LAMA3: variants seen among roughly 807,000 people sequenced by gnomAD.
The protein encoded by LAMA3 is laminin subunit alpha 3, also known as laminin subunit alpha-3.
A neutral mutation model predicts 402.0 loss-of-function variants in LAMA3; 281 were observed. The observed-to-expected ratio is 0.70, with a 90% CI of 0.63 to 0.77. The LOEUF (loss-of-function observed/expected upper bound fraction) is 0.77. Ranked by LOEUF, LAMA3 falls within the 30% of genes least tolerant of loss-of-function variation. The pLI, the probability that LAMA3 is intolerant of heterozygous loss-of-function variation, is 0.00. For synonymous variants in LAMA3, 1,431 were observed against 1,558.4 expected (o/e 0.92, Z 1.93); for missense variants, 3,840 against 4,215.5 (o/e 0.91, Z 2.47).
In LAMA3 at chr18:23,822,279, G is replaced by A. The variant is rs367800328; in HGVS notation, c.2332G>A (p.Gly778Arg). 4.4e-5 allele frequency: 71 copies of A among 1,613,818 alleles called. No homozygotes were observed. The highest frequency in any genetic ancestry group is 1.3e-5 in the African/African-American group (1 of 74,910). Residue 778 changes from glycine to arginine, a missense_variant, in exon 20 of 75, where the codon GGG becomes AGG. By Grantham distance (125) the Gly-to-Arg change is moderately radical. This residue lies in a region of LAMA3 where 2,109 missense variants were observed against 2,376.0 expected (regional missense o/e 0.89). Transcript: ENST00000313654. ...QNDVRITLNVGKSSGSLFRVI... is the reference protein window; with the variant it reads ...QNDVRITLNVRKSSGSLFRVI... ...TGATGTAAGAATAACATTGAATGTA[G>A]GGAAGTCAAGTGGCTCCTTGTTTCG...
In LAMA3 at chr18:23,839,907, G is replaced by A; in HGVS notation, c.3314G>A (p.Gly1105Glu). The change falls in exon 27 of 75, where the codon GGG becomes GAG. Residue 1105 changes from glycine (G) to glutamate (E), a missense_variant. This residue lies in a region of LAMA3 where 2,109 missense variants were observed against 2,376.0 expected (regional missense o/e 0.89). Coordinates refer to ENST00000313654, the MANE Select transcript of LAMA3 (RefSeq NM_198129.4). The surrounding 1 kb of genome is among the most constrained non-coding windows in gnomAD (Gnocchi z 4.5). ...QSSPSVDVLP[G>E]VTLKAPQNQV... is the part of the protein sequence containing the mutation. ...TCACCTTCTGTTGATGTTCTTCCTG[G>A]GGTCACCTTGAAGGCACCGCAGGTA... The A allele has an allele frequency of 1.2e-6, 2 of 1,614,054 alleles. No individual in the cohort carries two copies. The highest frequency in any genetic ancestry group is 1.1e-5 in the South Asian group (1 of 91,068).
In LAMA3 at chr18:23,773,517, CTG is replaced by C. The variant is rs1465273954; in HGVS notation, c.1206_1207del (p.Cys402Ter). 1 of 1,599,024 alleles carries C rather than the reference CTG, an allele frequency of 6.3e-7. No individual in the cohort carries two copies. Among genetic ancestry groups the C allele is most frequent in the Admixed American group, 1.7e-5 (1 of 58,868 alleles). ...TCTAGCACAACACAGCTGGAGTAAA[CTG>C]TGAACAGTGTGCTAAGGGCTATTAC... ...NCQHNTAGVN[C>X]EQCAKGYYRP... On this transcript the variant is annotated frameshift_variant, in exon 9 of 75. Transcript: ENST00000313654. LOFTEE classifies it high-confidence loss of function.
At chr18:23,865,807 C>G (rs2144772344) in intron 36 of LAMA3, among the ~76,000 whole-genome samples, 1 of 152,250 alleles carries the variant, frequency 6.6e-6, no homozygotes, top group African/African-American at 2.4e-5. Flanking sequence ...TGGTACAGGG[C>G]AGGAGGCTGT....
chr18:23,807,385 C>T (rs1288540369), intron 12 of LAMA3, among the ~76,000 whole-genome samples: 1 of 151,922 alleles, frequency 6.6e-6, no homozygotes, highest in Non-Finnish European at 1.5e-5. Flanking sequence ...AGTCAGGGTT[C>T]TCTAGATAGA....
At position 23,839,958 on chromosome 18, in the gene LAMA3, C is replaced by T; in HGVS notation, c.3336+29C>T. Reference sequence around the variant, plus strand: ...GTGTGCTGTTTCTAAACCAGTGGTTCTCAAAGTATGACCTCTGAAGCAGCA... The same window carrying T: ...GTGTGCTGTTTCTAAACCAGTGGTTTTCAAAGTATGACCTCTGAAGCAGCA... On this transcript the variant is annotated intron_variant, in intron 27 of 74. Coordinates refer to ENST00000313654, the MANE Select transcript of LAMA3 (RefSeq NM_198129.4). This position sits in a 1 kb window ranked among gnomAD's most constrained non-coding sequence, Gnocchi z 4.5. 1 of 1,612,472 alleles carries T rather than the reference C, an allele frequency of 6.2e-7. No individual in the cohort carries two copies. Among genetic ancestry groups the T allele is most frequent in the Non-Finnish European group, 8.5e-7 (1 of 1,178,536 alleles).
At chr18:23,769,235 A>G (rs910020008) in intron 8 of LAMA3, among the ~76,000 whole-genome samples, 1 of 152,146 alleles carries the variant, frequency 6.6e-6, no homozygotes, top group African/African-American at 2.4e-5. Context: ...TTTTATGGTA[A>G]TACAATGATC....
rs200422355 is a variant in LAMA3 at position 23,847,464 on chromosome 18, C to G, written c.3932C>G (p.Pro1311Arg). ...TGHYGFPRCK[P>R]CSCGRRLCEE... ...TGGTATTTCTTTATCCCCTGGCCAG[C>G]GTGCAGCTGTGGTCGGCGCCTTTGT... The change falls in exon 32 of 75, where the codon CCG (proline) becomes CGG (arginine). Residue 1311 changes from proline (P) to arginine (R), a missense_variant and splice_region_variant. Pro to Arg is a moderately radical substitution (Grantham distance 103). This residue lies in a region of LAMA3 where 2,109 missense variants were observed against 2,376.0 expected (regional missense o/e 0.89). Transcript: ENST00000313654. 6.2e-7 allele frequency: 1 copy of G among 1,611,220 alleles called. No individual in the cohort carries two copies. Among genetic ancestry groups the G allele is most frequent in the East Asian group, 2.2e-5 (1 of 44,890 alleles).
At chr18:23,790,732 T>C (rs1399857427) in intron 12 of LAMA3, among the ~76,000 whole-genome samples, 1 of 152,194 alleles carries the variant, frequency 6.6e-6, no homozygotes, top group Non-Finnish European at 1.5e-5. Flanking sequence ...ATTTTCCCCA[T>C]GAAGATATTC....
At position 23,814,468 on chromosome 18, in the gene LAMA3, G is replaced by A. The variant is rs148441391; in HGVS notation, c.1854G>A (p.Trp618Ter). The change falls in exon 15 of 75, where the codon TGG (tryptophan) becomes TGA (stop). Residue 618 changes from tryptophan (W) to a stop codon, truncating the protein, a stop_gained. Transcript: ENST00000313654. LOFTEE classifies it high-confidence loss of function. ...PTCSRCKLLY[W>*]NLDKENPSGC... ...GTAGCCGCTGCAAACTGTTATATTG[G>A]AATCTGGACAAAGAAAACCCCAGTG... 6.2e-7 allele frequency: 1 copy of A among 1,613,846 alleles called. No individual in the cohort carries two copies. The highest frequency in any genetic ancestry group is 1.7e-5 in the Admixed American group (1 of 60,024).
intron 8 of LAMA3, 37 bp downstream of exon 8, chr18:23,763,560 A>T (rs2062017966): frequency 9.1e-6 from 11 of 1,209,934 alleles, no homozygotes; most frequent in Middle Eastern, 1.9e-4. Context: ...ATGTGTTGTC[A>T]TGGGGAATGA....
intron 39 of LAMA3, among the ~76,000 whole-genome samples, 190 bp downstream of exon 39, chr18:23,876,597 C>T (rs1400897856): frequency 1.3e-5 from 2 of 152,204 alleles, no homozygotes; most frequent in Admixed American, 1.3e-4. Context: ...TTTTAACATG[C>T]ACCATTAAAA....
chr18:23,861,591 C>T, intron 34 of LAMA3, 55 bp from the exon 35 acceptor site: 1 of 1,603,280 alleles, frequency 6.2e-7, no homozygotes, highest in South Asian at 1.1e-5. Flanking sequence ...ACCCATCACC[C>T]CAGGGATGCC....
chr18:23,840,165 A>G (rs2063666726), intron 27 of LAMA3, among the ~76,000 whole-genome samples: 1 of 152,150 alleles, frequency 6.6e-6, no homozygotes, highest in Non-Finnish European at 1.5e-5. Context: ...CCAGAAATGC[A>G]GGCATCTGGT....
chr18:23,901,393 A>G, intron 48 of LAMA3, 70 bp downstream of exon 48: 1 of 1,298,744 alleles, frequency 7.7e-7, no homozygotes, highest in Non-Finnish European at 1.1e-6. Flanking sequence ...TTTATTATTA[A>G]TAAAGTGGCA....
rs140994119 is a variant in LAMA3, at chr18:23,836,789, C to T, written c.2985-192C>T. Among the ~76,000 whole-genome samples the T allele has an allele frequency of 3.7e-4, 56 of 152,324 alleles. No homozygotes were observed. The East Asian group carries it at 5.2e-3, about 14-fold the overall frequency. ...GCCCTGAGAGGTACAACACTGGCCA[C>T]GGCAGGAAGGTTATTTTCCCCATAG... On this transcript the variant is annotated intron_variant, in intron 24 of 74. Transcript: ENST00000313654.
chr18:23,756,923 GCCCCCGCCCCCCACTCCCTT>G (rs1251375033), intron 6 of LAMA3, among the ~76,000 whole-genome samples: 6 of 91,446 alleles, frequency 6.6e-5, no homozygotes, highest in East Asian at 2.7e-4. Flanking sequence ...CCCGTTCCCT[GCCCCCGCCCCCCACTCCCTT>G]CCCCCGCCCC....
Position 23,714,027 on chromosome 18 carries a change from A to G in LAMA3, c.402A>G (p.Ser134=). 2 of 1,613,970 alleles carry G rather than the reference A, an allele frequency of 1.2e-6. No individual in the cohort carries two copies. The highest frequency in any genetic ancestry group is 2.2e-5 in the South Asian group (2 of 91,074). The change falls in exon 2 of 75, where the codon TCA becomes TCG. Residue 134 remains serine, a synonymous_variant. Transcript: ENST00000313654. ...ERWWQSPPLS[S]GTQYNRVNLT... is the part of the protein sequence containing the mutation. ...GGTGGCAAAGCCCTCCCCTGTCCTCAGGCACACAGTACAACAGAGTCAACC... is the reference window on the plus strand; with the variant it reads ...GGTGGCAAAGCCCTCCCCTGTCCTCGGGCACACAGTACAACAGAGTCAACC...
chr18:23,824,687 A>C, intron 21 of LAMA3, 122 bp downstream of exon 21: 1 of 1,145,406 alleles, frequency 8.7e-7, no homozygotes, highest in Non-Finnish European at 1.3e-6. Flanking sequence ...TTTTAGACAC[A>C]GGAACAATTC....
intron 39 of LAMA3, among the ~76,000 whole-genome samples, chr18:23,880,041 A>G (rs1038411511): frequency 6.6e-6 from 1 of 152,378 alleles, no homozygotes; most frequent in South Asian, 2.1e-4. Context: ...ACTAAAATGG[A>G]AAAGTATTAG....
Sources: gnomAD v4.1 joint callset for allele counts (sites outside exome capture counted in the v4.1 genomes callset) on GRCh38, gnomAD v4.1.1 for gene constraint, gnomAD v4.1.1 regional missense constraint, Gnocchi (gnomAD v3.1) non-coding constraint, MANE v1.5 for transcripts, NCBI Gene and HGNC (gene_info 2026-07-23, HGNC 2026-07-21) for gene names.